Variants in KRT12 observed in about 807,000 individuals in gnomAD.
KRT12 encodes the protein keratin, type I cytoskeletal 12.
Under a neutral mutation model 50.2 loss-of-function variants are expected in KRT12, and 43 were observed. That is an observed-to-expected ratio of 0.86 (90% CI 0.67 to 1.11). The LOEUF (loss-of-function observed/expected upper bound fraction) is 1.11, where lower values mean the gene tolerates loss of function less well. Ranked by LOEUF, KRT12 falls within the 50% of genes least tolerant of loss-of-function variation. The pLI is 0.00. For missense variants in KRT12, 588 were observed against 625.6 expected, an observed-to-expected ratio of 0.94 and a Z score of 0.64; for synonymous variants, 257 against 253.6, an observed-to-expected ratio of 1.01 and a Z score of -0.13.
chr17:40,866,316 T>A, intron 1 of KRT12, 79 bp from the exon 2 acceptor site: 3 of 1,099,798 alleles, frequency 2.7e-6, no homozygotes, highest in Non-Finnish European at 4.1e-6. Flanking sequence ...GACACAAAGG[T>A]GAAAATGGTG....
At position 40,866,662 on chromosome 17, in the gene KRT12, A is replaced by G; in HGVS notation, c.525T>C (p.Asp175=). 5.0e-6 allele frequency: 8 copies of G among 1,614,180 alleles called. No homozygotes were observed. The highest frequency in any genetic ancestry group is 6.8e-6 in the Non-Finnish European group (8 of 1,180,020). Residue 175 remains aspartate (D), a synonymous_variant, in exon 1 of 8, where the codon GAT becomes GAC. Coordinates refer to ENST00000251643, the MANE Select transcript of KRT12 (RefSeq NM_000223.4). ...CAATCAGTGGATAATATTTGCTGTA[A>G]TCGCTCTGTGAAGCATCTGCAGTCC... is the stretch of plus-strand genomic sequence containing the variant. ...GTGTADASQS[D]YSKYYPLIED... is the part of the protein sequence containing the mutation.
intron 7 of KRT12, among the ~76,000 whole-genome samples, chr17:40,862,074 T>G (rs932526129): frequency 1.3e-5 from 2 of 152,126 alleles, no homozygotes; most frequent in African/African-American, 4.8e-5. Context: ...TAATTTTAAT[T>G]TTAATTTTCT....
Position 40,867,085 on chromosome 17 carries a change from A to G in KRT12, c.102T>C (p.Ser34=). The G allele has an allele frequency of 6.2e-7, 1 of 1,613,676 alleles. No individual in the cohort carries two copies. Among genetic ancestry groups the G allele is most frequent in the Non-Finnish European group, 8.5e-7 (1 of 1,179,760 alleles). The change falls in exon 1 of 8, where the codon TCT becomes TCC. Residue 34 remains serine, a synonymous_variant. Coordinates refer to ENST00000251643, the MANE Select transcript of KRT12 (RefSeq NM_000223.4). ...QSVIGRPRGM[S]ASSVGSGYGG... is the part of the protein sequence containing the mutation. ...CATAACCACTTCCAACACTGGAAGCAGACATGCCCCTGGGTCTGCCTATCA... is the reference window on the plus strand; with the variant it reads ...CATAACCACTTCCAACACTGGAAGCGGACATGCCCCTGGGTCTGCCTATCA...
chr17:40,866,014 T>C, intron 2 of KRT12, 141 bp downstream of exon 2: 1 of 705,254 alleles, frequency 1.4e-6, no homozygotes, highest in Non-Finnish European at 2.6e-6. Flanking sequence ...AATTACTTTC[T>C]AGAACACCCT....
chr17:40,866,055 G>T, intron 2 of KRT12, 100 bp downstream of exon 2: 2 of 860,352 alleles, frequency 2.3e-6, no homozygotes, highest in Non-Finnish European at 4.0e-6. Flanking sequence ...TAAATATATG[G>T]AGTATGTGAA....
rs774167257 is a variant in KRT12, at chr17:40,861,726, C to A, written c.1420G>T (p.Val474Leu). 1 of 1,613,910 alleles carries A rather than the reference C, an allele frequency of 6.2e-7. No individual in the cohort carries two copies. The highest frequency in any genetic ancestry group is 8.5e-7 in the Non-Finnish European group (1 of 1,179,800). ...ACCTCACCATTCACCATCTCCTGCA[C>A]AACTGTCTTGATTTTTCGGGTTTTG... The part of the protein sequence containing the change: ...PTKTRKIKTV[V>L]QEMVNGEVVS... The change falls in exon 8 of 8, where the codon GTG becomes TTG. Residue 474 changes from valine to leucine, a missense_variant. Coordinates refer to ENST00000251643, the MANE Select transcript of KRT12 (RefSeq NM_000223.4).
At chr17:40,862,027 G>GT (rs1196665484) in intron 7 of KRT12, among the ~76,000 whole-genome samples, 1 of 151,880 alleles carries the variant, frequency 6.6e-6, no homozygotes, top group Non-Finnish European at 1.5e-5. Flanking sequence ...AGCAGAGTAG[G>GT]TTTTTTCCCT....
chr17:40,866,113 C>T (rs1412290077), intron 2 of KRT12, 42 bp downstream of exon 2: 1 of 1,418,408 alleles, frequency 7.1e-7, no homozygotes, highest in Admixed American at 1.7e-5. Context: ...GGACAGAAGA[C>T]ATGGTGGGAC....
chr17:40,866,068 T>G, intron 2 of KRT12, 87 bp downstream of exon 2: 1 of 1,020,490 alleles, frequency 9.8e-7, no homozygotes, highest in Non-Finnish European at 1.6e-6. Flanking sequence ...TATGTGAACT[T>G]CAGAAGATTT....
At chr17:40,866,477 G>A (rs1220407016) in intron 1 of KRT12, 143 bp downstream of exon 1, 2 of 778,584 alleles carry the variant, frequency 2.6e-6, no homozygotes, top group Non-Finnish European at 4.2e-6. Flanking sequence ...ATAAAGTGGA[G>A]TGAAACAACC....
rs1482582387 is a variant in KRT12 at position 40,863,605 on chromosome 17, C to T, written c.975G>A (p.Gly325=). The change falls in exon 5 of 8, where the codon GGG becomes GGA. Residue 325 remains glycine, a synonymous_variant. Transcript: ENST00000251643. This position sits in a 1 kb window ranked among gnomAD's most constrained non-coding sequence, Gnocchi z 4.2. Reference sequence around the variant, plus strand: ...TGGTGCTAATCTCCTTACGGAGCTCCCCGCTCTGCAACAGCAAAGACAGCC... The same window carrying T: ...TGGTGCTAATCTCCTTACGGAGCTCTCCGCTCTGCAACAGCAAAGACAGCC... ...DAEAWFIEKS[G]ELRKEISTNT... is the part of the protein sequence containing the mutation. 1 of 1,614,246 alleles carries T rather than the reference C, an allele frequency of 6.2e-7. No individual in the cohort carries two copies. Among genetic ancestry groups the T allele is most frequent in the Admixed American group, 1.7e-5 (1 of 60,030 alleles).
chr17:40,863,351 T>C lies in KRT12; in HGVS notation c.1096-8A>G. The C allele has an allele frequency of 6.2e-7, 1 of 1,613,646 alleles. No homozygotes were observed. The highest frequency in any genetic ancestry group is 8.5e-7 in the Non-Finnish European group (1 of 1,179,788). ...GTCCTCCAGGGATTTCTTCTGCACG[T>C]GGGAGGGAAATGGCATAGAAATAAC... On this transcript the variant is annotated splice_region_variant and splice_polypyrimidine_tract_variant and intron_variant, in intron 5 of 7. Transcript: ENST00000251643. The surrounding 1 kb of genome is among the most constrained non-coding windows in gnomAD (Gnocchi z 4.2).
chr17:40,862,552 G>A lies in KRT12; in HGVS notation c.1387+13C>T. 6.3e-7 allele frequency: 1 copy of A among 1,590,194 alleles called. No homozygotes were observed. The highest frequency in any genetic ancestry group is 8.6e-7 in the Non-Finnish European group (1 of 1,158,434). On this transcript the variant is annotated intron_variant, in intron 7 of 7. Transcript: ENST00000251643. ...TCCGACTTATTCTAAGTGATTCTAG[G>A]GTTTCTGCATACCTTTAGAGGAATC...
At chr17:40,866,470 A>C (rs9897265) in intron 1 of KRT12, 150 bp downstream of exon 1, 31,986 of 746,612 alleles carry the variant, frequency 0.043, 929 homozygotes, top group Non-Finnish European at 0.05. Flanking sequence ...GTAAATGATA[A>C]AGTGGAGTGA....
At chr17:40,864,279 A>G (rs1465673477) in intron 3 of KRT12, among the ~76,000 whole-genome samples, 3 of 151,994 alleles carry the variant, frequency 2.0e-5, no homozygotes, top group Non-Finnish European at 2.9e-5. Context: ...TGCAGACAGT[A>G]CCTGGGCTTG....
In KRT12 at chr17:40,866,206, A is replaced by C; in HGVS notation, c.599T>G (p.Leu200Arg). 1 of 1,614,152 alleles carries C rather than the reference A, an allele frequency of 6.2e-7. No individual in the cohort carries two copies. The highest frequency in any genetic ancestry group is 8.5e-7 in the Non-Finnish European group (1 of 1,180,010). The change falls in exon 2 of 8, where the codon CTC (leucine) becomes CGC (arginine). Residue 200 changes from leucine (L) to arginine (R), a missense_variant. By Grantham distance (102) the Leu-to-Arg change is moderately radical. Coordinates refer to ENST00000251643, the MANE Select transcript of KRT12 (RefSeq NM_000223.4). ...TCTCGCATTGTCAATCTGCAAGAGG[A>C]GCTGGGCATTTCCAATGCTGGCTGA... ...IISASIGNAQ[L>R]LLQIDNARLA...
In KRT12 at chr17:40,867,212, G is replaced by T. The variant is rs1907067568; in HGVS notation, c.-26C>A. ...GGCCTGGGGAAGGTGGCCACAACTG[G>T]AGAGGAAGTTGTGCCAGCAAGCCAG... On this transcript the variant is annotated 5_prime_UTR_variant, in exon 1 of 8. Coordinates refer to ENST00000251643, the MANE Select transcript of KRT12 (RefSeq NM_000223.4). The T allele has an allele frequency of 6.3e-7, 1 of 1,590,086 alleles. No individual in the cohort carries two copies. Among genetic ancestry groups the T allele is most frequent in the Non-Finnish European group, 8.6e-7 (1 of 1,169,498 alleles).
rs1906865167 is a variant in KRT12 at position 40,863,184 on chromosome 17, T to C, written c.1255A>G (p.Lys419Glu). The C allele has an allele frequency of 1.2e-6, 2 of 1,614,124 alleles. No individual in the cohort carries two copies. Among genetic ancestry groups the C allele is most frequent in the Non-Finnish European group, 1.7e-6 (2 of 1,180,016 alleles). ...TCAATCTCCAGCTCCAGGCGGGCCT[T>C]GACATTCAGCAGCCGCTGGTGGTCC... is the stretch of plus-strand genomic sequence containing the variant. ...NVDHQRLLNV[K>E]ARLELEIETY... is the part of the protein sequence containing the mutation. The change falls in exon 6 of 8, where the codon AAG becomes GAG. Residue 419 changes from lysine to glutamate, a missense_variant. By Grantham distance (56) the Lys-to-Glu change is moderately conservative. Transcript: ENST00000251643. This position sits in a 1 kb window ranked among gnomAD's most constrained non-coding sequence, Gnocchi z 4.2.
intron 2 of KRT12, 143 bp from the exon 3 acceptor site, chr17:40,865,105 T>G: frequency 1.1e-6 from 1 of 908,062 alleles, no homozygotes; most frequent in Non-Finnish European, 1.7e-6. Context: ...TTTTTGCTGT[T>G]GTGTTTTTCC....
Sources: allele counts gnomAD v4.1 joint callset (sites outside exome capture counted in the v4.1 genomes callset), GRCh38; gene constraint gnomAD v4.1.1; non-coding constraint Gnocchi (gnomAD v3.1); transcripts MANE v1.5; gene names NCBI Gene and HGNC (gene_info 2026-07-23, HGNC 2026-07-21).